SELP: variants seen among roughly 807,000 people sequenced by gnomAD.
SELP encodes the protein selectin P.
Under a neutral mutation model 104.1 loss-of-function variants are expected in SELP, and 92 were observed. That is an observed-to-expected ratio of 0.88 (90% CI 0.75 to 1.05). SELP has a LOEUF of 1.05. Ranked by LOEUF, SELP falls within the 50% of genes least tolerant of loss-of-function variation. SELP has a pLI of 0.00. For synonymous variants in SELP, 397 were observed against 364.5 expected, an observed-to-expected ratio of 1.09 and a Z score of -1.01; for missense variants, 1,022 against 1,017.3, an observed-to-expected ratio of 1.00 and a Z score of -0.06.
intron 1 of SELP, among the ~76,000 whole-genome samples, chr1:169,629,498 G>T (rs187438988): frequency 6.6e-6 from 1 of 152,330 alleles, no homozygotes; most frequent in East Asian, 1.9e-4. Context: ...TCATTAACAA[G>T]ATTGAGTCTT....
rs542741227 is a variant in SELP at position 169,611,491 on chromosome 1, C to A, written c.1147+1G>T. 1 of 1,613,536 alleles carries A rather than the reference C, an allele frequency of 6.2e-7. No homozygotes were observed. Among genetic ancestry groups the A allele is most frequent in the African/African-American group, 1.3e-5 (1 of 74,986 alleles). On this transcript the variant is annotated splice_donor_variant, in intron 7 of 16. Transcript: ENST00000263686. LOFTEE classifies it high-confidence loss of function. ...TGGAGGTTGCTAATGAAAAATCCTACCCTCACAGGTTGGCAAGGGTGCAGA... is the reference window on the plus strand; with the variant it reads ...TGGAGGTTGCTAATGAAAAATCCTAACCTCACAGGTTGGCAAGGGTGCAGA...
intron 14 of SELP, 64 bp downstream of exon 14, chr1:169,593,541 A>G: frequency 6.7e-7 from 1 of 1,496,816 alleles, no homozygotes. Context: ...ACCCTAAATT[A>G]CATAAATCAA....
chr1:169,602,137 G>A (rs1463512435), intron 10 of SELP, among the ~76,000 whole-genome samples: 4 of 152,062 alleles, frequency 2.6e-5, no homozygotes, highest in African/African-American at 9.7e-5. Context: ...AAATTTTACT[G>A]GTAAATGATC....
intron 14 of SELP, 117 bp downstream of exon 14, chr1:169,593,488 G>T: frequency 1.3e-6 from 1 of 772,006 alleles, no homozygotes; most frequent in Non-Finnish European, 2.1e-6. Context: ...TAATGCAAAT[G>T]TTTTCCAACA....
Position 169,619,113 on chromosome 1 carries a change from T to G in SELP, c.94+16A>C. 3.7e-6 allele frequency: 6 copies of G among 1,600,300 alleles called. No homozygotes were observed. Among genetic ancestry groups the G allele is most frequent in the Non-Finnish European group, 5.1e-6 (6 of 1,167,772 alleles). ...TAATTACTTAGGCCTAAGTGAAAAG[T>G]TAGCATAAAGTTTACCAGAGATCAG... On this transcript the variant is annotated intron_variant, in intron 2 of 16. Coordinates refer to ENST00000263686, the MANE Select transcript of SELP (RefSeq NM_003005.4).
At chr1:169,592,711 G>T (rs565640576) in intron 14 of SELP, among the ~76,000 whole-genome samples, 3 of 152,166 alleles carry the variant, frequency 2.0e-5, no homozygotes, top group Admixed American at 1.3e-4. Context: ...CATCTATTTG[G>T]TCTTCTCTGT....
chr1:169,615,378 A>T (rs1362511712), intron 3 of SELP, among the ~76,000 whole-genome samples: 1 of 152,210 alleles, frequency 6.6e-6, no homozygotes, highest in African/African-American at 2.4e-5. Context: ...TGTATTAATT[A>T]GTGATGTCTC....
Position 169,617,422 on chromosome 1 carries a change from A to G in SELP, c.95-8T>C, listed in dbSNP as rs752910615. On this transcript the variant is annotated splice_region_variant and splice_polypyrimidine_tract_variant and intron_variant, in intron 2 of 16. Coordinates refer to ENST00000263686, the MANE Select transcript of SELP (RefSeq NM_003005.4). Reference sequence around the variant, plus strand: ...CTTTCTGGTTTGTTAGTTCTAGAGTAAAGGAGAGTGAGTGCCAGGTTAGTA... The same window carrying G: ...CTTTCTGGTTTGTTAGTTCTAGAGTGAAGGAGAGTGAGTGCCAGGTTAGTA... 8.7e-6 allele frequency: 14 copies of G among 1,612,064 alleles called. No homozygotes were observed. The East Asian group carries it at 2.5e-4, about 28-fold the overall frequency.
chr1:169,594,941 T>G (rs1661530226), intron 12 of SELP, 64 bp from the exon 13 acceptor site: 3 of 1,456,914 alleles, frequency 2.1e-6, no homozygotes, highest in Non-Finnish European at 2.8e-6. Flanking sequence ...GATTATAGTT[T>G]CTTTTGTAAC....
chr1:169,596,226 C>T, intron 11 of SELP, 92 bp from the exon 12 acceptor site: 2 of 1,137,468 alleles, frequency 1.8e-6, no homozygotes. Flanking sequence ...GCTTTTCACT[C>T]CCTTCATAAC....
chr1:169,621,237 G>C (rs942914971), intron 1 of SELP, among the ~76,000 whole-genome samples: 4 of 150,174 alleles, frequency 2.7e-5, no homozygotes, highest in African/African-American at 9.8e-5. Context: ...GGAGTTGTGT[G>C]TGTGTGTGTT....
chr1:169,617,134 T>C lies in SELP; in HGVS notation c.375A>G (p.Lys125=). The C allele has an allele frequency of 6.2e-7, 1 of 1,614,130 alleles. No homozygotes were observed. Among genetic ancestry groups the C allele is most frequent in the Non-Finnish European group, 8.5e-7 (1 of 1,180,008 alleles). Residue 125 remains lysine (K), a synonymous_variant, in exon 3 of 17, where the codon AAA becomes AAG. Coordinates refer to ENST00000263686, the MANE Select transcript of SELP (RefSeq NM_003005.4). ...TCTCCACGCAGTCCTCGTTGTTCCTTTTGTTGTTAGGTTCATTATCAGCCC... is the reference window on the plus strand; with the variant it reads ...TCTCCACGCAGTCCTCGTTGTTCCTCTTGTTGTTAGGTTCATTATCAGCCC... The part of the protein sequence containing the change: ...ENWADNEPNN[K]RNNEDCVEIY...
intron 13 of SELP, 123 bp downstream of exon 13, chr1:169,594,569 T>G (rs1661502057): frequency 3.6e-5 from 32 of 885,878 alleles, no homozygotes; most frequent in Non-Finnish European, 5.6e-5. Flanking sequence ...GTGAAACACT[T>G]ATTAAGCAGG....
chr1:169,629,946 G>A (rs1663553431), intron 1 of SELP, 126 bp downstream of exon 1: 3 of 1,205,670 alleles, frequency 2.5e-6, no homozygotes, highest in Admixed American at 3.4e-5. Context: ...AATCTAATAG[G>A]CAATTCAACA....
Position 169,617,209 on chromosome 1 carries a change from T to C in SELP, c.300A>G (p.Thr100=). 1 of 1,614,210 alleles carries C rather than the reference T, an allele frequency of 6.2e-7. No individual in the cohort carries two copies. The highest frequency in any genetic ancestry group is 8.5e-7 in the Non-Finnish European group (1 of 1,180,026). ...YWIGIRKNNK[T]WTWVGTKKAL... ...CCTTTTTGGTTCCCACCCATGTCCA[T>C]GTCTTATTGTTCTTTCGGATCCCAA... is the stretch of plus-strand genomic sequence containing the variant. The change falls in exon 3 of 17, where the codon ACA becomes ACG. Residue 100 remains threonine (T), a synonymous_variant. Coordinates refer to ENST00000263686, the MANE Select transcript of SELP (RefSeq NM_003005.4).
rs1254890365 is a variant in SELP, at chr1:169,603,078, T to A, written c.1653A>T (p.Arg551Ser). The A allele has an allele frequency of 1.2e-6, 2 of 1,614,082 alleles. No individual in the cohort carries two copies. Among genetic ancestry groups the A allele is most frequent in the African/African-American group, 1.3e-5 (1 of 75,024 alleles). Residue 551 changes from arginine (R) to serine (S), a missense_variant, in exon 10 of 17, where the codon AGA becomes AGT. By Grantham distance (110) the Arg-to-Ser change is moderately radical. Coordinates refer to ENST00000263686, the MANE Select transcript of SELP (RefSeq NM_003005.4). ...AGCGTCCCGATCGAGTACAATCCAA[T>A]CTTTCTGGTCCAGACAAAGAATATC... ...DEGYSLSGPERLDCTRSGRWT... is the reference protein window; with the variant it reads ...DEGYSLSGPESLDCTRSGRWT...
At chr1:169,603,690 C>G (rs1030191898) in intron 9 of SELP, among the ~76,000 whole-genome samples, 5 of 152,118 alleles carry the variant, frequency 3.3e-5, no homozygotes, top group African/African-American at 9.7e-5. Flanking sequence ...TCCCCCTTTC[C>G]CAACCAAGTG....
chr1:169,590,236 T>C (rs755865743), intron 15 of SELP, 34 bp from the exon 16 acceptor site: 41 of 1,516,010 alleles, frequency 2.7e-5, no homozygotes, highest in Non-Finnish European at 3.2e-5. Context: ...GGCAACAATA[T>C]ACTGCTTAGT....
intron 8 of SELP, 94 bp from the exon 9 acceptor site, chr1:169,607,228 A>G (rs1323995014): frequency 1.1e-5 from 11 of 1,024,518 alleles, no homozygotes; most frequent in Non-Finnish European, 1.5e-5. Flanking sequence ...AAGAACAGGG[A>G]TTCCTGAATT....
Sources: gnomAD v4.1 joint callset for allele counts (sites outside exome capture counted in the v4.1 genomes callset) on GRCh38, gnomAD v4.1.1 for gene constraint, MANE v1.5 for transcripts, NCBI Gene and HGNC (gene_info 2026-07-23, HGNC 2026-07-21) for gene names.